The following ZNF341 variants were observed in gnomAD, a reference collection of about 807,000 sequenced individuals.
ZNF341 encodes the protein zinc finger protein 341.
ZNF341 carries 52 observed loss-of-function variants against 87.7 expected under a neutral mutation model. The observed-to-expected ratio is 0.59, with a 90% CI of 0.47 to 0.75. ZNF341 has a LOEUF of 0.75. Among genes scored for constraint, ZNF341 ranks in the 30% least tolerant of loss-of-function variants. The pLI, the probability that ZNF341 is intolerant of heterozygous loss-of-function variation, is 0.00. For missense variants in ZNF341, 977 were observed against 1,145.9 expected (o/e 0.85, Z 2.13); for synonymous variants, 459 against 472.7 (o/e 0.97, Z 0.38).
rs749406045 is a variant in ZNF341 at position 33,757,314 on chromosome 20, G to T, written c.908G>T (p.Arg303Leu). 1 of 1,578,884 alleles carries T rather than the reference G, an allele frequency of 6.3e-7. No individual in the cohort carries two copies. The highest frequency in any genetic ancestry group is 8.6e-7 in the Non-Finnish European group (1 of 1,163,632). Residue 303 changes from arginine to leucine, a missense_variant, in exon 6 of 15, where the codon CGA becomes CTA. Physicochemically the swap from Arg to Leu is moderately radical, Grantham distance 102 (BLOSUM62 -2). This residue lies in a region of ZNF341 where 515 missense variants were observed against 598.2 expected (regional missense o/e 0.86). Transcript: ENST00000375200. Reference protein sequence around the residue: ...FDSPATLKTRRAKGARGLPEA... With the variant: ...FDSPATLKTRLAKGARGLPEA... Reference sequence around the variant, plus strand: ...TCTCCAGCAACGCTGAAGACCCGACGAGCTAAAGGTGCCAGGGGACTCCCG... The same window carrying T: ...TCTCCAGCAACGCTGAAGACCCGACTAGCTAAAGGTGCCAGGGGACTCCCG...
At chr20:33,752,769 C>T (rs1453847495) in intron 4 of ZNF341, among the ~76,000 whole-genome samples, 3 of 151,484 alleles carry the variant, frequency 2.0e-5, no homozygotes, top group Non-Finnish European at 4.4e-5. Context: ...TCTCCTGCCT[C>T]AGCCTCCCGA....
chr20:33,788,318 C>A (rs981152285), intron 12 of ZNF341: 1 of 163,820 alleles, frequency 6.1e-6, no homozygotes, highest in African/African-American at 2.4e-5. Context: ...ACTCAGGAGG[C>A]TGAGGTAGGA....
At chr20:33,740,719 G>A (rs1430859465) in intron 1 of ZNF341, among the ~76,000 whole-genome samples, 183 bp from the exon 2 acceptor site, 2 of 152,134 alleles carry the variant, frequency 1.3e-5, no homozygotes, top group African/African-American at 4.8e-5. Context: ...TTGCTGCCTA[G>A]AATGGTCTTA....
chr20:33,760,674 G>C (rs2019272234), intron 7 of ZNF341, among the ~76,000 whole-genome samples: 1 of 151,962 alleles, frequency 6.6e-6, no homozygotes, highest in Non-Finnish European at 1.5e-5. Flanking sequence ...CTCCTAAGTA[G>C]CTGAGACCAC....
intron 1 of ZNF341, among the ~76,000 whole-genome samples, chr20:33,733,260 C>G (rs2018614762): frequency 6.6e-6 from 1 of 150,838 alleles, no homozygotes; most frequent in African/African-American, 2.4e-5. Context: ...GCTCTGTTGC[C>G]CAGGCTGGAG....
intron 8 of ZNF341, among the ~76,000 whole-genome samples, chr20:33,763,382 G>T (rs912201905): frequency 6.6e-6 from 1 of 152,044 alleles, no homozygotes; most frequent in African/African-American, 2.4e-5. Flanking sequence ...CACTGCAACC[G>T]CTGCCTTCCA....
intron 3 of ZNF341, among the ~76,000 whole-genome samples, chr20:33,747,604 G>A (rs74564639): frequency 0.18 from 16,097 of 89,560 alleles, 1,620 homozygotes; most frequent in East Asian, 0.52. Flanking sequence ...GACAGAGCGA[G>A]ACTCCGTCTC....
At chr20:33,748,420 G>T (rs1013824436) in intron 3 of ZNF341, among the ~76,000 whole-genome samples, 4 of 152,240 alleles carry the variant, frequency 2.6e-5, no homozygotes, top group African/African-American at 9.6e-5. Context: ...TTTGCAGAGG[G>T]ATGTGAGTTA....
intron 1 of ZNF341, among the ~76,000 whole-genome samples, chr20:33,735,209 T>C (rs2018653648): frequency 6.6e-6 from 1 of 151,932 alleles, no homozygotes; most frequent in Non-Finnish European, 1.5e-5. Context: ...TTTGTATTTT[T>C]TAGTAGAGAC....
chr20:33,755,725 T>C (rs1258960446), intron 5 of ZNF341, among the ~76,000 whole-genome samples: 1 of 151,676 alleles, frequency 6.6e-6, no homozygotes, highest in Non-Finnish European at 1.5e-5. Flanking sequence ...CCTGAGTAAC[T>C]GGGACTACAG....
Position 33,767,095 on chromosome 20 carries a change from TG to T in ZNF341, c.1413+56del. The stretch of plus-strand genomic sequence containing the variant: ...CACCACACCAGTCGAAACCTTTCAC[TG>T]GTGCTAGGGTCTTGAATGCTGCCTA... On this transcript the variant is annotated intron_variant, in intron 9 of 14. Coordinates refer to ENST00000375200, the MANE Select transcript of ZNF341 (RefSeq NM_001282933.2). 4 of 1,568,332 alleles carry T rather than the reference TG, an allele frequency of 2.6e-6. No individual in the cohort carries two copies. In the East Asian group the frequency reaches 9.0e-5, roughly 35 times the overall value.
In ZNF341 at chr20:33,779,448, C is replaced by CT. The variant is rs34100674; in HGVS notation, c.1623-1823dup. ...TATGTCAGACTCTGTGACAATCTCC[C>CT]TTTTTTTTTTTTTTTTTTTTGAGAT... On this transcript the variant is annotated intron_variant, in intron 10 of 14. Coordinates refer to ENST00000375200, the MANE Select transcript of ZNF341 (RefSeq NM_001282933.2). Among the ~76,000 whole-genome samples the CT allele has an allele frequency of 6.9e-3, 894 of 129,078 alleles. 5 individuals carry two copies. The highest frequency in any genetic ancestry group is 0.014 in the African/African-American group (485 of 34,892). 84.7% of individuals were successfully genotyped at this position (129,078 alleles called of 152,430 possible). A position where few individuals can be genotyped will look rare whatever the true frequency, so the allele number is the denominator to read the frequency against.
chr20:33,757,215 G>T lies in ZNF341; in HGVS notation c.809G>T (p.Gly270Val). The change falls in exon 6 of 15, where the codon GGA (glycine) becomes GTA (valine). Residue 270 changes from glycine to valine, a missense_variant. Transcript: ENST00000375200. ...TPTVYSPGKQGFKPKGPNPAA... is the reference protein window; with the variant it reads ...TPTVYSPGKQVFKPKGPNPAA... ...ACAGTGTACAGCCCTGGCAAACAGG[G>T]ATTCAAACCCAAAGGACCAAACCCC... 1.2e-6 allele frequency: 2 copies of T among 1,601,194 alleles called. No homozygotes were observed. Among genetic ancestry groups the T allele is most frequent in the Non-Finnish European group, 1.7e-6 (2 of 1,174,716 alleles).
At chr20:33,755,028 C>T (rs2019148004) in intron 5 of ZNF341, among the ~76,000 whole-genome samples, 1 of 151,178 alleles carries the variant, frequency 6.6e-6, no homozygotes, top group South Asian at 2.1e-4. Flanking sequence ...CTGCAACCTC[C>T]ACCTCTCAGG....
chr20:33,770,335 T>TGGGGGGGG, intron 10 of ZNF341, 43 bp downstream of exon 10: 10 of 380,182 alleles, frequency 2.6e-5, no homozygotes, highest in Non-Finnish European at 5.4e-5. Flanking sequence ...GACGGGTGGG[T>TGGGGGGGG]GGGCAGGGAG....
intron 12 of ZNF341, among the ~76,000 whole-genome samples, chr20:33,785,715 C>T (rs2019840007): frequency 6.6e-6 from 1 of 152,150 alleles, no homozygotes. Flanking sequence ...AATTCTCTTC[C>T]CCAAAGGTAA....
intron 1 of ZNF341, among the ~76,000 whole-genome samples, chr20:33,733,451 A>ATGGACTCGATCTCGTGACCTC (rs1414742403): frequency 1.3e-5 from 2 of 150,814 alleles, no homozygotes; most frequent in Non-Finnish European, 2.9e-5. Context: ...GTTAGCGAGC[A>ATGGACTCGATCTCGTGACCTC]TGGACTCGAT....
At chr20:33,763,947 G>A (rs2019345186) in intron 8 of ZNF341, among the ~76,000 whole-genome samples, 1 of 151,632 alleles carries the variant, frequency 6.6e-6, no homozygotes, top group Non-Finnish European at 1.5e-5. Flanking sequence ...ACTTTGGGAG[G>A]CTGAGGTGAG....
Position 33,745,113 on chromosome 20 carries a change from T to A in ZNF341, c.153T>A (p.Asp51Glu). Residue 51 changes from aspartate (D) to glutamate (E), a missense_variant, in exon 3 of 15, where the codon GAT becomes GAA. Asp to Glu is a conservative substitution (Grantham distance 45). This residue lies in a region of ZNF341 where 515 missense variants were observed against 598.2 expected (regional missense o/e 0.86). Transcript: ENST00000375200. Reference protein sequence around the residue: ...PPAIQPLDDEDVFLCGKCKKQ... With the variant: ...PPAIQPLDDEEVFLCGKCKKQ... ...CGGGTATGACCCCAGATGACGAGGATGTATTTCTCTGCGGGAAGTGTAAGA... is the reference window on the plus strand; with the variant it reads ...CGGGTATGACCCCAGATGACGAGGAAGTATTTCTCTGCGGGAAGTGTAAGA... 6.2e-7 allele frequency: 1 copy of A among 1,611,114 alleles called. No individual in the cohort carries two copies. Among genetic ancestry groups the A allele is most frequent in the Non-Finnish European group, 8.5e-7 (1 of 1,177,404 alleles).
Sources: allele counts gnomAD v4.1 joint callset (sites outside exome capture counted in the v4.1 genomes callset), GRCh38; gene constraint gnomAD v4.1.1; regional missense constraint gnomAD v4.1.1; transcripts MANE v1.5; gene names NCBI Gene and HGNC (gene_info 2026-07-23, HGNC 2026-07-21).